AGAP1: variants seen among roughly 807,000 people sequenced by gnomAD.
The protein encoded by AGAP1 is ArfGAP with GTPase domain, ankyrin repeat and PH domain 1, also known as arf-GAP with GTPase, ANK repeat and PH domain-containing protein 1.
A neutral mutation model predicts 105.3 loss-of-function variants in AGAP1; 29 were observed. The ratio of observed to expected loss-of-function variants is 0.28; its 90% CI spans 0.21 to 0.38. The LOEUF (loss-of-function observed/expected upper bound fraction) is 0.38, where lower values mean the gene tolerates loss of function less well. Ranked by LOEUF, AGAP1 falls within the 10% of genes least tolerant of loss-of-function variation. The pLI is 1.00. For synonymous variants in AGAP1, 509 were observed against 485.9 expected, an observed-to-expected ratio of 1.05 and a Z score of -0.63; for missense variants, 998 against 1,165.1, an observed-to-expected ratio of 0.86 and a Z score of 2.09.
chr2:236,004,511 C>T (rs2056248972), intron 13 of AGAP1, among the ~76,000 whole-genome samples: 1 of 152,154 alleles, frequency 6.6e-6, no homozygotes, highest in African/African-American at 2.4e-5. Context: ...CAGTGTTCTG[C>T]GTCTGTGTGG....
At chr2:235,529,199 C>G (rs1033551315) in intron 1 of AGAP1, among the ~76,000 whole-genome samples, 11 of 152,194 alleles carry the variant, frequency 7.2e-5, no homozygotes, top group African/African-American at 2.7e-4. Context: ...GGCGCTGGTC[C>G]TTTCTGTGAA....
intron 1 of AGAP1, among the ~76,000 whole-genome samples, chr2:235,581,730 G>A (rs937242614): frequency 1.4e-4 from 21 of 152,052 alleles, no homozygotes; most frequent in Non-Finnish European, 2.4e-4. Context: ...GCTTGAACCC[G>A]GAAAGTGGAG....
intron 1 of AGAP1, 106 bp downstream of exon 1, chr2:235,494,955 C>A: frequency 8.4e-7 from 1 of 1,185,218 alleles, no homozygotes; most frequent in Non-Finnish European, 1.1e-6. Flanking sequence ...GGCCGGGGCA[C>A]GCGGCTGCTC....
intron 1 of AGAP1, among the ~76,000 whole-genome samples, chr2:235,624,502 A>G (rs568388408): frequency 6.6e-6 from 1 of 152,156 alleles, no homozygotes; most frequent in Admixed American, 6.5e-5. Flanking sequence ...TGGTTCTTTC[A>G]TTTTACCTGC....
intron 6 of AGAP1, among the ~76,000 whole-genome samples, chr2:235,763,302 A>C (rs567927925): frequency 2.2e-3 from 311 of 138,352 alleles, no homozygotes; most frequent in African/African-American, 9.7e-3. Flanking sequence ...ATATTCCACA[A>C]AAAAAAAAAA....
intron 9 of AGAP1, among the ~76,000 whole-genome samples, chr2:235,811,602 G>A (rs1958143769): frequency 6.6e-6 from 1 of 152,168 alleles, no homozygotes; most frequent in Non-Finnish European, 1.5e-5. Context: ...TTCGTGGTTG[G>A]ACCATCAGGG....
At chr2:235,968,665 GAA>G in intron 13 of AGAP1, 42 bp downstream of exon 13, 1 of 1,577,334 alleles carries the variant, frequency 6.3e-7, no homozygotes, top group South Asian at 1.2e-5. Flanking sequence ...CTCCACTGCG[GAA>G]AATTCTCTGT....
intron 6 of AGAP1, among the ~76,000 whole-genome samples, chr2:235,770,203 C>T (rs1955322704): frequency 6.6e-6 from 1 of 150,688 alleles, no homozygotes; most frequent in Non-Finnish European, 1.5e-5. Context: ...TCTCCGCCCA[C>T]TGTAAGCTCC....
chr2:235,880,701 C>T (rs557851104), intron 9 of AGAP1, among the ~76,000 whole-genome samples: 2 of 151,306 alleles, frequency 1.3e-5, no homozygotes, highest in South Asian at 4.2e-4. Flanking sequence ...GATCGCGCCA[C>T]TGCACTGCAG....
intron 6 of AGAP1, chr2:235,775,766 A>T (rs908543417): frequency 6.6e-6 from 1 of 152,230 alleles, no homozygotes; most frequent in Non-Finnish European, 1.5e-5. Flanking sequence ...ATGTACGTGT[A>T]ATTAATCAAA....
chr2:235,917,404 A>G (rs965039117), intron 11 of AGAP1, among the ~76,000 whole-genome samples: 4 of 152,178 alleles, frequency 2.6e-5, no homozygotes, highest in African/African-American at 9.7e-5. Context: ...GTGACCTAGA[A>G]TACTAATTAT....
chr2:235,701,434 A>G lies in AGAP1; in HGVS notation c.164-7745A>G, dbSNP rs1950257213. On this transcript the variant is annotated intron_variant, in intron 1 of 17. Transcript: ENST00000304032. This position sits in a 1 kb window ranked among gnomAD's most constrained non-coding sequence, Gnocchi z 4.1. The stretch of plus-strand genomic sequence containing the variant: ...GCATCTTGGTGGCCAGGTGTTCGTC[A>G]CCCTGCACTGAGAGGGCCTGGTGAA... Among the ~76,000 whole-genome samples, 1 of 152,016 alleles carries G rather than the reference A, an allele frequency of 6.6e-6. No homozygotes were observed. Among genetic ancestry groups the G allele is most frequent in the African/African-American group, 2.4e-5 (1 of 41,378 alleles).
intron 1 of AGAP1, among the ~76,000 whole-genome samples, chr2:235,541,288 T>C (rs1313893869): frequency 6.6e-6 from 1 of 152,046 alleles, no homozygotes; most frequent in African/African-American, 2.4e-5. Context: ...TTGAAGCATC[T>C]TGTGGGCCTC....
rs921669526 is a variant in AGAP1, at chr2:236,056,947, C to T, written c.2114+7666C>T. Among the ~76,000 whole-genome samples the T allele has an allele frequency of 6.6e-6, 1 of 152,180 alleles. No individual in the cohort carries two copies. Among genetic ancestry groups the T allele is most frequent in the Non-Finnish European group, 1.5e-5 (1 of 68,038 alleles). Reference sequence around the variant, plus strand: ...CATGTTTAGCAGCACCACTCCCACTCGCCCCTGGTCAGTTTCTATCTCAGT... The same window carrying T: ...CATGTTTAGCAGCACCACTCCCACTTGCCCCTGGTCAGTTTCTATCTCAGT... On this transcript the variant is annotated intron_variant, in intron 16 of 17. Coordinates refer to ENST00000304032, the MANE Select transcript of AGAP1 (RefSeq NM_001037131.3). This position sits in a 1 kb window ranked among gnomAD's most constrained non-coding sequence, Gnocchi z 4.6.
rs1332678623 is a variant in AGAP1 at position 236,109,704 on chromosome 2, A to G, written c.2115-10488A>G. On this transcript the variant is annotated intron_variant, in intron 16 of 17. Coordinates refer to ENST00000304032, the MANE Select transcript of AGAP1 (RefSeq NM_001037131.3). This position sits in a 1 kb window ranked among gnomAD's most constrained non-coding sequence, Gnocchi z 5.4. ...ACCGGCAGCCGTGGAAACGTTCTGG[A>G]TCCGAGCATCCCAGGGTAGCAGCTG... is the stretch of plus-strand genomic sequence containing the variant. 1.3e-5 allele frequency among the ~76,000 whole-genome samples: 2 copies of G among 152,182 alleles called. No homozygotes were observed. The highest frequency in any genetic ancestry group is 4.8e-5 in the African/African-American group (2 of 41,466).
chr2:235,999,308 ATG>A (rs2055976826), intron 13 of AGAP1, among the ~76,000 whole-genome samples: 1 of 30,314 alleles, frequency 3.3e-5, no homozygotes, highest in Non-Finnish European at 6.9e-5. Context: ...GGTGATGGTG[ATG>A]GTGGTGGTGG....
At chr2:236,091,943 G>C (rs1465882499) in intron 16 of AGAP1, among the ~76,000 whole-genome samples, 2 of 152,158 alleles carry the variant, frequency 1.3e-5, no homozygotes, top group Non-Finnish European at 2.9e-5. Context: ...GCAGTGAAAA[G>C]GAATGAATTC....
intron 1 of AGAP1, among the ~76,000 whole-genome samples, chr2:235,696,762 G>C (rs1038410468): frequency 3.3e-5 from 5 of 152,060 alleles, no homozygotes; most frequent in African/African-American, 7.2e-5. Context: ...CTCAGAATGA[G>C]CCCCGTCCCC....
rs961246284 is a variant in AGAP1 at position 235,700,952 on chromosome 2, ATATT to A, written c.164-8226_164-8223del. On this transcript the variant is annotated intron_variant, in intron 1 of 17. Transcript: ENST00000304032. This position sits in a 1 kb window ranked among gnomAD's most constrained non-coding sequence, Gnocchi z 6.1. ...ACATGCTAGCATATTTGTAATATATATATTATGTATTATGTATATATTATATATG... is the reference window on the plus strand; with the variant it reads ...ACATGCTAGCATATTTGTAATATATAATGTATTATGTATATATTATATATG... Among the ~76,000 whole-genome samples the A allele has an allele frequency of 2.7e-5, 4 of 147,468 alleles. No individual in the cohort carries two copies. The highest frequency in any genetic ancestry group is 4.5e-5 in the Non-Finnish European group (3 of 67,220).
Sources: allele counts gnomAD v4.1 joint callset (sites outside exome capture counted in the v4.1 genomes callset), GRCh38; gene constraint gnomAD v4.1.1; non-coding constraint Gnocchi (gnomAD v3.1); transcripts MANE v1.5; gene names NCBI Gene and HGNC (gene_info 2026-07-23, HGNC 2026-07-21).